The following TUBA1C variants were observed in gnomAD, a reference collection of about 807,000 sequenced individuals.
TUBA1C encodes tubulin alpha-1C chain.
A neutral mutation model predicts 34.9 loss-of-function variants in TUBA1C; 16 were observed. The observed-to-expected ratio is 0.46, with a 90% CI of 0.31 to 0.70. TUBA1C has a LOEUF of 0.70. Among genes scored for constraint, TUBA1C ranks in the 30% least tolerant of loss-of-function variants. The pLI is 0.05. For missense variants in TUBA1C, 329 were observed against 587.3 expected, an observed-to-expected ratio of 0.56 and a Z score of 4.55; for synonymous variants, 177 against 215.9, an observed-to-expected ratio of 0.82 and a Z score of 1.58.
intron 1 of TUBA1C, among the ~76,000 whole-genome samples, chr12:49,249,315 T>C (rs971418039): frequency 6.6e-6 from 1 of 152,020 alleles, no homozygotes; most frequent in African/African-American, 2.4e-5. Context: ...TAATCCCAGG[T>C]ACTCGGGAGG....
chr12:49,263,159 T>G (rs2137012962), upstream of TUBA1C, among the ~76,000 whole-genome samples: 1 of 152,132 alleles, frequency 6.6e-6, no homozygotes, highest in East Asian at 1.9e-4. Context: ...TAGTTGGGAT[T>G]ACAGGTGTGC....
intron 1 of TUBA1C, among the ~76,000 whole-genome samples, chr12:49,252,693 C>T (rs1185504866): frequency 2.0e-5 from 3 of 152,126 alleles, no homozygotes; most frequent in South Asian, 2.1e-4. Context: ...GGGTGGATCA[C>T]GAGGTCAGGA....
intron 1 of TUBA1C, among the ~76,000 whole-genome samples, chr12:49,253,394 C>T (rs916918768): frequency 3.9e-5 from 6 of 152,006 alleles, no homozygotes; most frequent in South Asian, 2.1e-4. Context: ...ACAGTGCACA[C>T]GTGGGCGTGT....
At chr12:49,256,394 C>T (rs1414171264) in intron 1 of TUBA1C, 2 of 447,216 alleles carry the variant, frequency 4.5e-6, no homozygotes, top group South Asian at 1.6e-5. Flanking sequence ...TTCTTTTCCA[C>T]AGTGTGTGAA....
At chr12:49,260,442 T>C (rs983262300), upstream of TUBA1C, among the ~76,000 whole-genome samples, 1 of 152,170 alleles carries the variant, frequency 6.6e-6, no homozygotes, top group Non-Finnish European at 1.5e-5. Flanking sequence ...CAATCTTCTA[T>C]GGTAATCTCC....
At chr12:49,270,796 T>C (rs537090878) in intron 3 of TUBA1C, among the ~76,000 whole-genome samples, 23 of 152,174 alleles carry the variant, frequency 1.5e-4, no homozygotes, top group Non-Finnish European at 2.2e-4. Context: ...CTGGCTAACA[T>C]GGTGAAACCC....
chr12:49,266,682 A>G (rs1159671288), intron 1 of TUBA1C, among the ~76,000 whole-genome samples: 1 of 151,776 alleles, frequency 6.6e-6, no homozygotes, highest in South Asian at 2.1e-4. Flanking sequence ...AACTCCGTCT[A>G]TACTAAAAAT....
upstream of TUBA1C, among the ~76,000 whole-genome samples, chr12:49,261,101 C>T (rs995950547): frequency 3.3e-5 from 5 of 152,098 alleles, no homozygotes; most frequent in African/African-American, 4.8e-5. Context: ...GTAATCCCAG[C>T]TCTTTGGGAG....
intron 1 of TUBA1C, among the ~76,000 whole-genome samples, chr12:49,228,976 AGTCTATTGAACTTCTCAG>A: frequency 6.6e-6 from 1 of 152,322 alleles, no homozygotes; most frequent in South Asian, 2.1e-4. Flanking sequence ...TCTGCTTCCA[AGTCTATTGAACTTCTCAG>A]GAATATATTT....
At chr12:49,269,315 A>C (rs1942956907) in intron 1 of TUBA1C, 150 bp from the exon 2 acceptor site, 3 of 1,295,794 alleles carry the variant, frequency 2.3e-6, no homozygotes, top group Non-Finnish European at 3.2e-6. Context: ...CACCTGCCTC[A>C]GCCTCCCAAA....
intron 1 of TUBA1C, among the ~76,000 whole-genome samples, chr12:49,255,405 A>AATATATATATATATATATAT (rs142218984): frequency 1.3e-4 from 19 of 141,308 alleles, no homozygotes; most frequent in African/African-American, 4.6e-4. Flanking sequence ...ATCTTTAAAA[A>AATATATATATATATATATAT]ATATATATAT....
At chr12:49,228,067 C>T in exon 1 of TUBA1C, 1 of 1,535,708 alleles carries the variant, frequency 6.5e-7, no homozygotes. Context: ...ACATCTCTAA[C>T]TGGATTCTTA....
At chr12:49,261,775 T>C (rs1340099000), upstream of TUBA1C, among the ~76,000 whole-genome samples, 1 of 152,246 alleles carries the variant, frequency 6.6e-6, no homozygotes, top group Non-Finnish European at 1.5e-5. Context: ...CTTTTCTCTT[T>C]ACTAATGTTT....
chr12:49,242,252 A>G (rs1286099009), intron 1 of TUBA1C, among the ~76,000 whole-genome samples: 5 of 152,066 alleles, frequency 3.3e-5, no homozygotes, highest in African/African-American at 1.2e-4. Context: ...TGGCCTCCCA[A>G]AGTTCTGGGA....
At chr12:49,237,762 AAG>A (rs940340599) in intron 1 of TUBA1C, among the ~76,000 whole-genome samples, 3 of 147,798 alleles carry the variant, frequency 2.0e-5, no homozygotes, top group East Asian at 2.0e-4. Flanking sequence ...GAGAGAGAGA[AAG>A]AGGGGTGGGG....
chr12:49,254,484 CAAAAAAAAAAA>C (rs764051406), intron 1 of TUBA1C, among the ~76,000 whole-genome samples: 1 of 29,674 alleles, frequency 3.4e-5, no homozygotes, highest in Non-Finnish European at 8.0e-5. Flanking sequence ...TCCATCTAAA[CAAAAAAAAAAA>C]AAAAAAAAAA....
At chr12:49,247,367 A>C (rs759270330) in intron 1 of TUBA1C, among the ~76,000 whole-genome samples, 2 of 145,270 alleles carry the variant, frequency 1.4e-5, no homozygotes, top group Non-Finnish European at 3.1e-5. Flanking sequence ...GACCAGCCTG[A>C]CCAATATGGT....
At chr12:49,255,387 C>G (rs1720946948) in intron 1 of TUBA1C, among the ~76,000 whole-genome samples, 2 of 147,656 alleles carry the variant, frequency 1.4e-5, no homozygotes, top group Non-Finnish European at 1.5e-5. Flanking sequence ...TCCCCAGCAG[C>G]TGAACTTATC....
intron 1 of TUBA1C, among the ~76,000 whole-genome samples, chr12:49,245,518 A>G (rs980119768): frequency 6.6e-6 from 1 of 152,212 alleles, no homozygotes; most frequent in African/African-American, 2.4e-5. Context: ...CTGAGGTAGA[A>G]GGATTACTTG....
Sources: gnomAD v4.1 joint callset for allele counts (sites outside exome capture counted in the v4.1 genomes callset) on GRCh38, gnomAD v4.1.1 for gene constraint, MANE v1.5 for transcripts, NCBI Gene and HGNC (gene_info 2026-07-23, HGNC 2026-07-21) for gene names.